NCKAP5: variants seen among roughly 807,000 people sequenced by gnomAD.
NCKAP5 encodes nck-associated protein 5.
NCKAP5 carries 92 observed loss-of-function variants against 167.0 expected under a neutral mutation model. The observed-to-expected ratio is 0.55, with a 90% confidence interval of 0.47 to 0.66. The LOEUF is 0.66. NCKAP5 is among the 30% of genes least tolerant of loss of function. The pLI is 0.00. For missense variants in NCKAP5, 2,378 were observed against 2,315.0 expected (o/e 1.03, Z -0.56); for synonymous variants, 891 against 877.4 (o/e 1.02, Z -0.27).
chr2:133,583,224 TA>T, the NCKAP5 span, among the ~76,000 whole-genome samples: 1 of 152,160 alleles, frequency 6.6e-6, no homozygotes, highest in Non-Finnish European at 1.5e-5. Flanking sequence ...GAGGTGACTA[TA>T]TCATGGATCC....
At chr2:132,969,163 G>A (rs529014624) in intron 7 of NCKAP5, among the ~76,000 whole-genome samples, 8 of 152,028 alleles carry the variant, frequency 5.3e-5, no homozygotes, top group South Asian at 2.1e-4. Flanking sequence ...TCAGCCTCCC[G>A]AGTAGCTGGG....
intron 19 of NCKAP5, among the ~76,000 whole-genome samples, chr2:132,711,875 G>C (rs1472795807): frequency 6.6e-6 from 1 of 152,138 alleles, no homozygotes; most frequent in African/African-American, 2.4e-5. Context: ...TGGTAGACAG[G>C]ATAAATTCTA....
At chr2:132,897,649 C>T (rs867881474) in intron 8 of NCKAP5, among the ~76,000 whole-genome samples, 15 of 152,130 alleles carry the variant, frequency 9.9e-5, no homozygotes, top group Admixed American at 2.6e-4. Flanking sequence ...ATCATGGATT[C>T]CAGATCACCG....
In NCKAP5 at chr2:132,748,671, T is replaced by C. The variant is rs143152245; in HGVS notation, c.5129-16620A>G. ...CTCTCCCTGTTTCAAAGAAATTCCA[T>C]TATGTTGCTAGGATATATTTATATT... On this transcript the variant is annotated intron_variant, in intron 16 of 19. Coordinates refer to ENST00000409261, the MANE Select transcript of NCKAP5 (RefSeq NM_207363.3). Among the ~76,000 whole-genome samples the C allele has an allele frequency of 3.0e-3, 455 of 152,314 alleles. 3 individuals carry two copies. Among genetic ancestry groups the C allele is most frequent in the African/African-American group, 0.01 (419 of 41,572 alleles).
chr2:133,358,545 C>G (rs1250740548), intron 3 of NCKAP5, among the ~76,000 whole-genome samples: 2 of 152,116 alleles, frequency 1.3e-5, no homozygotes, highest in African/African-American at 4.8e-5. Flanking sequence ...GCCCTGTGCC[C>G]CAGCCTGGAC....
intron 5 of NCKAP5, among the ~76,000 whole-genome samples, chr2:133,173,676 T>C (rs1218476983): frequency 2.0e-5 from 3 of 152,234 alleles, no homozygotes; most frequent in Non-Finnish European, 4.4e-5. Flanking sequence ...AATTGAGTTC[T>C]ATACAGAGGC....
chr2:133,350,143 G>C (rs1684261277), intron 3 of NCKAP5, among the ~76,000 whole-genome samples: 1 of 152,162 alleles, frequency 6.6e-6, no homozygotes, highest in Non-Finnish European at 1.5e-5. Context: ...TGGGAGTGAT[G>C]GTTCATGCCT....
chr2:132,778,417 G>T (rs1382485075), intron 15 of NCKAP5, among the ~76,000 whole-genome samples: 1 of 151,910 alleles, frequency 6.6e-6, no homozygotes, highest in Non-Finnish European at 1.5e-5. Flanking sequence ...ACTAAGCGGA[G>T]GTTTGCTACA....
intron 5 of NCKAP5, among the ~76,000 whole-genome samples, chr2:133,167,149 C>G (rs550528721): frequency 4.0e-4 from 61 of 152,296 alleles, no homozygotes; most frequent in Admixed American, 4.0e-3. Flanking sequence ...AAAGAGGTAT[C>G]CTGTGATGGG....
the NCKAP5 span, among the ~76,000 whole-genome samples, chr2:133,648,821 T>C: frequency 6.8e-6 from 1 of 146,798 alleles, no homozygotes; most frequent in Non-Finnish European, 1.5e-5. Flanking sequence ...TCTCAAATAA[T>C]CATCTAACTT....
At chr2:133,511,653 C>T (rs913004116) in intron 3 of NCKAP5, among the ~76,000 whole-genome samples, 4 of 152,230 alleles carry the variant, frequency 2.6e-5, no homozygotes, top group South Asian at 2.1e-4. Flanking sequence ...TCAGATGTCA[C>T]GCCATCTTCT....
At chr2:133,064,676 C>T (rs2080127124) in intron 6 of NCKAP5, among the ~76,000 whole-genome samples, 1 of 152,064 alleles carries the variant, frequency 6.6e-6, no homozygotes, top group Non-Finnish European at 1.5e-5. Context: ...TCCATCGTTG[C>T]TCTGGGTGGG....
At chr2:133,130,209 G>T in intron 5 of NCKAP5, 98 bp from the exon 6 acceptor site, 2 of 1,342,772 alleles carry the variant, frequency 1.5e-6, no homozygotes, top group African/African-American at 1.5e-5. Context: ...TTATATATAT[G>T]AATTTCATCC....
chr2:133,641,912 T>G, the NCKAP5 span, among the ~76,000 whole-genome samples: 1 of 152,296 alleles, frequency 6.6e-6, no homozygotes, highest in South Asian at 2.1e-4. Context: ...ATATCTACCC[T>G]GGTGTCTTAG....
intron 3 of NCKAP5, among the ~76,000 whole-genome samples, chr2:133,438,074 G>T (rs1447333655): frequency 6.6e-6 from 1 of 152,210 alleles, no homozygotes; most frequent in African/African-American, 2.4e-5. Context: ...AGTTGCTAAT[G>T]GAGCCAGTGT....
intron 2 of NCKAP5, among the ~76,000 whole-genome samples, chr2:133,549,311 C>A (rs1213323939): frequency 6.6e-6 from 1 of 151,812 alleles, no homozygotes; most frequent in East Asian, 1.9e-4. Flanking sequence ...AGCACCACAC[C>A]ACACCTATTC....
rs1689287981 is a variant in NCKAP5, at chr2:132,854,182, A to G, written c.807+6310T>C. Among the ~76,000 whole-genome samples the G allele has an allele frequency of 4.6e-5, 7 of 152,264 alleles. 1 individual carries two copies. In the South Asian group the frequency reaches 1.4e-3, roughly 31 times the overall value. ...GTAGGAATCCTACCTTGATTTCCTT[A>G]TAACAGACCACATACACCTTACGTG... is the stretch of plus-strand genomic sequence containing the variant. On this transcript the variant is annotated intron_variant, in intron 11 of 19. Coordinates refer to ENST00000409261, the MANE Select transcript of NCKAP5 (RefSeq NM_207363.3).
At chr2:132,730,454 C>T (rs1690886364) in intron 17 of NCKAP5, among the ~76,000 whole-genome samples, 1 of 152,194 alleles carries the variant, frequency 6.6e-6, no homozygotes, top group African/African-American at 2.4e-5. Flanking sequence ...AGGATTGCAC[C>T]ATTGCACTCC....
intron 6 of NCKAP5, among the ~76,000 whole-genome samples, chr2:133,008,690 C>T (rs2078053712): frequency 6.6e-6 from 1 of 152,068 alleles, no homozygotes; most frequent in South Asian, 2.1e-4. Flanking sequence ...TTTAGGAACA[C>T]TGGAGTATGA....
Sources: allele counts gnomAD v4.1 joint callset (sites outside exome capture counted in the v4.1 genomes callset), GRCh38; gene constraint gnomAD v4.1.1; transcripts MANE v1.5; gene names NCBI Gene and HGNC (gene_info 2026-07-23, HGNC 2026-07-21).